FABP2: variants seen among roughly 807,000 people sequenced by gnomAD.
FABP2 encodes the protein fatty acid-binding protein, intestinal.
Under a neutral mutation model 16.1 loss-of-function variants are expected in FABP2, and 11 were observed. That is an observed-to-expected ratio of 0.68 (90% CI 0.43 to 1.13). FABP2 has a LOEUF of 1.13. FABP2 is among the 50% of genes most tolerant of loss of function. The pLI, the probability that FABP2 is intolerant of heterozygous loss-of-function variation, is 0.00. For synonymous variants in FABP2, 45 were observed against 50.9 expected, an observed-to-expected ratio of 0.88 and a Z score of 0.49; for missense variants, 146 against 155.1, an observed-to-expected ratio of 0.94 and a Z score of 0.31.
In FABP2 at chr4:119,317,750, C is replaced by T. The variant is rs1217031758; in HGVS notation, c.*1291G>A. 1 of 151,874 alleles carries T rather than the reference C, an allele frequency of 6.6e-6. No individual in the cohort carries two copies. Among genetic ancestry groups the T allele is most frequent in the Non-Finnish European group, 1.5e-5 (1 of 67,942 alleles). 9.4% of individuals were successfully genotyped at this position (151,874 alleles called of 1,614,324 possible). A position where few individuals can be genotyped will look rare whatever the true frequency, so the allele number is the denominator to read the frequency against. Reference sequence around the variant, plus strand: ...CCCCCTCTCCATCCCCTAATATGTACCCTGCTAAAATACAATTATGTGAAG... The same window carrying T: ...CCCCCTCTCCATCCCCTAATATGTATCCTGCTAAAATACAATTATGTGAAG... On this transcript the variant is annotated 3_prime_UTR_variant, in exon 4 of 4. Coordinates refer to ENST00000274024, the MANE Select transcript of FABP2 (RefSeq NM_000134.4).
intron 1 of FABP2, among the ~76,000 whole-genome samples, chr4:119,321,292 A>G (rs1027139436): frequency 5.3e-5 from 8 of 151,924 alleles, no homozygotes; most frequent in African/African-American, 1.2e-4. Flanking sequence ...TTATAGTTCT[A>G]TTTGCTTCTT....
Position 119,318,872 on chromosome 4 carries a change from C to A in FABP2, c.*169G>T. 2.1e-6 allele frequency: 1 copy of A among 475,608 alleles called. No individual in the cohort carries two copies. The highest frequency in any genetic ancestry group is 3.8e-6 in the Non-Finnish European group (1 of 263,160). 29.5% of individuals were successfully genotyped at this position (475,608 alleles called of 1,614,324 possible). A position where few individuals can be genotyped will look rare whatever the true frequency, so the allele number is the denominator to read the frequency against. ...TAGAGAATATAAAACAAATTAAATCCTAATTAGCTTTTACTTCTTTTGCTT... is the reference window on the plus strand; with the variant it reads ...TAGAGAATATAAAACAAATTAAATCATAATTAGCTTTTACTTCTTTTGCTT... On this transcript the variant is annotated 3_prime_UTR_variant, in exon 4 of 4. Transcript: ENST00000274024.
Position 119,322,038 on chromosome 4 carries a change from A to AT in FABP2, c.64dup (p.Met22AsnfsTer4), listed in dbSNP as rs1755677963. ...CCACAAAGAAATAAAGTCTTTACCC[A>AT]TTTTTTCCATGAACTTGTCATAGTT... On this transcript the variant is annotated frameshift_variant, in exon 1 of 4. Transcript: ENST00000274024. LOFTEE classifies it high-confidence loss of function. The AT allele has an allele frequency of 1.2e-6, 2 of 1,611,462 alleles. No individual in the cohort carries two copies. The highest frequency in any genetic ancestry group is 2.7e-5 in the African/African-American group (2 of 74,714).
chr4:119,320,544 T>C (rs1755649175), intron 2 of FABP2, 126 bp downstream of exon 2: 8 of 716,068 alleles, frequency 1.1e-5, no homozygotes, highest in South Asian at 7.9e-5. Flanking sequence ...ACAAACTTCA[T>C]TGGCTTCTTC....
chr4:119,321,971 G>A, intron 1 of FABP2, 65 bp downstream of exon 1: 2 of 1,310,216 alleles, frequency 1.5e-6, no homozygotes, highest in African/African-American at 1.5e-5. Context: ...TAGAGATTTA[G>A]GAGTTAGAAA....
intron 1 of FABP2, 31 bp from the exon 2 acceptor site, chr4:119,320,873 A>C (rs1182776166): frequency 1.3e-6 from 2 of 1,506,664 alleles, no homozygotes; most frequent in Non-Finnish European, 8.8e-7. Context: ...GAGAAAATAA[A>C]GTCAAATCCC....
In FABP2 at chr4:119,319,647, C is replaced by CATAATAAT; in HGVS notation, c.241-12_241-5dup. 1.3e-6 allele frequency: 1 copy of CATAATAAT among 797,502 alleles called. No individual in the cohort carries two copies. Among genetic ancestry groups the CATAATAAT allele is most frequent in the Non-Finnish European group, 1.8e-6 (1 of 557,166 alleles). The allele number at this position is 797,502 out of a possible 1,614,324, so 49.4% of individuals were successfully genotyped here. On this transcript the variant is annotated splice_polypyrimidine_tract_variant and splice_region_variant and intron_variant, in intron 2 of 3. Transcript: ENST00000274024. ...TTCCCTCAAGGCTCCAGGTCCCCTACATAATAATAATAATAATAATAATAA... is the reference window on the plus strand; with the variant it reads ...TTCCCTCAAGGCTCCAGGTCCCCTACATAATAATATAATAATAATAATAATAATAATAA...
At position 119,318,979 on chromosome 4, in the gene FABP2, T is replaced by C; in HGVS notation, c.*62A>G. ...ATACTTGATGGGGTGAAATAAATAG[T>C]TCTGGTACAATATAGATCTTCTGTC... On this transcript the variant is annotated 3_prime_UTR_variant, in exon 4 of 4. Coordinates refer to ENST00000274024, the MANE Select transcript of FABP2 (RefSeq NM_000134.4). 7.6e-7 allele frequency: 1 copy of C among 1,312,456 alleles called. No homozygotes were observed. Among genetic ancestry groups the C allele is most frequent in the South Asian group, 1.3e-5 (1 of 78,296 alleles). 81.3% of individuals were successfully genotyped at this position (1,312,456 alleles called of 1,614,324 possible).
intron 2 of FABP2, 101 bp from the exon 3 acceptor site, chr4:119,319,744 T>C: frequency 2.3e-6 from 1 of 438,334 alleles, no homozygotes; most frequent in East Asian, 4.9e-5. Flanking sequence ...ACTTTTTCAT[T>C]TAATCTTCAT....
chr4:119,318,769 T>A lies in FABP2; in HGVS notation c.*272A>T. 3.1e-6 allele frequency: 1 copy of A among 322,538 alleles called. No individual in the cohort carries two copies. Among genetic ancestry groups the A allele is most frequent in the South Asian group, 5.0e-5 (1 of 20,098 alleles). 20.0% of individuals were successfully genotyped at this position (322,538 alleles called of 1,614,324 possible). A position where few individuals can be genotyped will look rare whatever the true frequency, so the allele number is the denominator to read the frequency against. ...TACTTTTTCTTTTAAAAGGCAAGGC[T>A]ACATATAAAGCAACATGGACGCAAT... On this transcript the variant is annotated 3_prime_UTR_variant, in exon 4 of 4. Coordinates refer to ENST00000274024, the MANE Select transcript of FABP2 (RefSeq NM_000134.4).
intron 1 of FABP2, 75 bp from the exon 2 acceptor site, chr4:119,320,917 G>T: frequency 7.7e-7 from 1 of 1,301,898 alleles, no homozygotes. Flanking sequence ...GTTATGTTTT[G>T]TTTGTTTATT....
At position 119,320,711 on chromosome 4, in the gene FABP2, C is replaced by T. The variant is rs1461885736; in HGVS notation, c.199G>A (p.Val67Ile). Residue 67 changes from valine to isoleucine, a missense_variant, in exon 2 of 4, where the codon GTC (valine) becomes ATC (isoleucine). Physicochemically the swap from Val to Ile is conservative, Grantham distance 29. Transcript: ENST00000274024. ...RNIEVVFELGVTFNYNLADGT... is the reference protein window; with the variant it reads ...RNIEVVFELGITFNYNLADGT... ...TCTGCTAGATTGTAATTAAAGGTGA[C>T]ACCAAGTTCAAAAACAACTTCAATG... 6.2e-7 allele frequency: 1 copy of T among 1,602,216 alleles called. No homozygotes were observed.
intron 1 of FABP2, among the ~76,000 whole-genome samples, chr4:119,321,592 T>G (rs1755670287): frequency 6.6e-6 from 1 of 152,134 alleles, no homozygotes; most frequent in Non-Finnish European, 1.5e-5. Flanking sequence ...TTAGAAGAAA[T>G]CAGAATTAAA....
At position 119,320,842 on chromosome 4, in the gene FABP2, C is replaced by T. The variant is rs201640311; in HGVS notation, c.68G>A (p.Gly23Asp). The T allele has an allele frequency of 8.8e-5, 138 of 1,560,746 alleles. 1 individual carries two copies. The highest frequency in any genetic ancestry group is 2.6e-5 in the Non-Finnish European group (30 of 1,162,312). The part of the protein sequence containing the change: ...ENYDKFMEKM[G>D]VNIVKRKLAA... ...AAGCTTCCTTTTCACTATATTAACA[C>T]CTGTAAAAGGTAAGACAATGGAGAA... Residue 23 changes from glycine (G) to aspartate (D), a missense_variant and splice_region_variant, in exon 2 of 4, where the codon GGT becomes GAT. Gly to Asp is a moderately conservative substitution (Grantham distance 94, BLOSUM62 -1). Coordinates refer to ENST00000274024, the MANE Select transcript of FABP2 (RefSeq NM_000134.4).
chr4:119,319,619 T>G lies in FABP2; in HGVS notation c.265A>C (p.Lys89Gln). The stretch of plus-strand genomic sequence containing the variant: ...GTCCGTTTGAATTTTCCAATAAGTT[T>G]ATTTCCCTCAAGGCTCCAGGTCCCC... Reference protein sequence around the residue: ...LRGTWSLEGNKLIGKFKRTDN... With the variant: ...LRGTWSLEGNQLIGKFKRTDN... The change falls in exon 3 of 4, where the codon AAA becomes CAA. Residue 89 changes from lysine (K) to glutamine (Q), a missense_variant. By Grantham distance (53) the Lys-to-Gln change is moderately conservative. Coordinates refer to ENST00000274024, the MANE Select transcript of FABP2 (RefSeq NM_000134.4). 1 of 1,516,990 alleles carries G rather than the reference T, an allele frequency of 6.6e-7. No homozygotes were observed. Among genetic ancestry groups the G allele is most frequent in the Non-Finnish European group, 8.8e-7 (1 of 1,131,940 alleles). The allele number at this position is 1,516,990 out of a possible 1,614,324, so 94.0% of individuals were successfully genotyped here.
Position 119,320,669 on chromosome 4 carries a change from C to T in FABP2, c.240+1G>A. On this transcript the variant is annotated splice_donor_variant, in intron 2 of 3. Transcript: ENST00000274024. LOFTEE classifies it high-confidence loss of function. ...TTGCTCATAAAAAAAAAAATTCTTACCCTGAGTTCAGTTCCGTCTGCTAGA... is the reference window on the plus strand; with the variant it reads ...TTGCTCATAAAAAAAAAAATTCTTATCCTGAGTTCAGTTCCGTCTGCTAGA... The T allele has an allele frequency of 1.9e-6, 3 of 1,557,486 alleles. No homozygotes were observed. The highest frequency in any genetic ancestry group is 2.6e-6 in the Non-Finnish European group (3 of 1,163,178).
Position 119,318,967 on chromosome 4 carries a change from TGAAA to T in FABP2, c.*70_*73del. 8.5e-7 allele frequency: 1 copy of T among 1,174,014 alleles called. No homozygotes were observed. The highest frequency in any genetic ancestry group is 1.2e-6 in the Non-Finnish European group (1 of 811,454). 72.7% of individuals were successfully genotyped at this position (1,174,014 alleles called of 1,614,324 possible). A position where few individuals can be genotyped will look rare whatever the true frequency, so the allele number is the denominator to read the frequency against. ...ATCAGTAACCTTATACTTGATGGGG[TGAAA>T]TAAATAGTTCTGGTACAATATAGAT... is the stretch of plus-strand genomic sequence containing the variant. On this transcript the variant is annotated 3_prime_UTR_variant, in exon 4 of 4. Coordinates refer to ENST00000274024, the MANE Select transcript of FABP2 (RefSeq NM_000134.4).
intron 1 of FABP2, 141 bp from the exon 2 acceptor site, chr4:119,320,983 G>T (rs762861314): frequency 4.0e-4 from 250 of 631,960 alleles, no homozygotes; most frequent in Non-Finnish European, 5.8e-4. Flanking sequence ...CATTCAGATT[G>T]CTTCTACAGA....
In FABP2 at chr4:119,318,740, C is replaced by A; in HGVS notation, c.*301G>T. On this transcript the variant is annotated 3_prime_UTR_variant, in exon 4 of 4. Transcript: ENST00000274024. ...CGAAAACAGTCTGTCAATTCATATT[C>A]ACATACTTTTTCTTTTAAAAGGCAA... 3.9e-6 allele frequency: 1 copy of A among 259,612 alleles called. No homozygotes were observed. Among genetic ancestry groups the A allele is most frequent in the Non-Finnish European group, 7.3e-6 (1 of 136,986 alleles). 16.1% of individuals were successfully genotyped at this position (259,612 alleles called of 1,614,324 possible). A position where few individuals can be genotyped will look rare whatever the true frequency, so the allele number is the denominator to read the frequency against.
Sources: gnomAD v4.1 joint callset for allele counts (sites outside exome capture counted in the v4.1 genomes callset) on GRCh38, gnomAD v4.1.1 for gene constraint, MANE v1.5 for transcripts, NCBI Gene and HGNC (gene_info 2026-07-23, HGNC 2026-07-21) for gene names.